Variants in ZSCAN31 observed in about 807,000 individuals in gnomAD.
ZSCAN31 encodes zinc finger and SCAN domain containing 31.
In ZSCAN31, 14 loss-of-function variants were observed where a neutral mutation model predicts 22.5. That is an observed-to-expected ratio of 0.62 (90% CI 0.41 to 0.97). The LOEUF (loss-of-function observed/expected upper bound fraction) is 0.97, where lower values mean the gene tolerates loss of function less well. ZSCAN31 is among the 50% of genes least tolerant of loss of function. ZSCAN31 has a pLI of 0.00. For synonymous variants in ZSCAN31, 168 were observed against 169.8 expected (o/e 0.99, Z 0.08); for missense variants, 424 against 483.4 (o/e 0.88, Z 1.15).
chr6:28,329,769 G>T lies in ZSCAN31; in HGVS notation c.-86C>A. The T allele has an allele frequency of 6.8e-7, 1 of 1,472,468 alleles. No homozygotes were observed. The highest frequency in any genetic ancestry group is 9.1e-7 in the Non-Finnish European group (1 of 1,098,912). 91.2% of individuals were successfully genotyped at this position (1,472,468 alleles called of 1,614,324 possible). A position where few individuals can be genotyped will look rare whatever the true frequency, so the allele number is the denominator to read the frequency against. On this transcript the variant is annotated 5_prime_UTR_variant, in exon 2 of 4. Transcript: ENST00000344279. ...AATTTTCTGATTTAATCTTCCTTAG[G>T]AGAAGACACCTGATGATAGAGCATT...
intron 2 of ZSCAN31, among the ~76,000 whole-genome samples, chr6:28,348,472 A>G (rs570979961): frequency 6.6e-6 from 1 of 152,300 alleles, no homozygotes; most frequent in Non-Finnish European, 1.5e-5. Flanking sequence ...TCCAAATATT[A>G]CAGTACTATT....
chr6:28,350,447 G>A (rs1305522793), intron 2 of ZSCAN31: 1 of 152,194 alleles, frequency 6.6e-6, no homozygotes, highest in Non-Finnish European at 1.5e-5. Flanking sequence ...GAACGTTGGA[G>A]TCAGATTACC....
chr6:28,346,342 C>CTTTTTTTTTT (rs5875155), intron 2 of ZSCAN31, among the ~76,000 whole-genome samples: 1,093 of 87,706 alleles, frequency 0.012, 84 homozygotes, highest in South Asian at 0.028. Context: ...TCAGTACAAT[C>CTTTTTTTTTT]TTTTTTTTTT....
rs780285727 is a variant in ZSCAN31 at position 28,326,673 on chromosome 6, G to C, written c.714C>G (p.Arg238=). The change falls in exon 4 of 4, where the codon CGC becomes CGG. Residue 238 remains arginine, a synonymous_variant. Coordinates refer to ENST00000344279, the MANE Select transcript of ZSCAN31 (RefSeq NM_030899.5). The stretch of plus-strand genomic sequence containing the variant: ...TTTTCCCACATTCATTGCACCTGTG[G>C]CGTCTCTCTCCAGTGGAATGTGCCT... ...KQQAHSTGER[R]HRCNECGKSF... is the part of the protein sequence containing the mutation. 10 of 1,614,114 alleles carry C rather than the reference G, an allele frequency of 6.2e-6. No homozygotes were observed. In the South Asian group the frequency reaches 9.9e-5, roughly 16 times the overall value.
At chr6:28,340,358 T>C (rs1764364665), upstream of ZSCAN31, among the ~76,000 whole-genome samples, 1 of 152,204 alleles carries the variant, frequency 6.6e-6, no homozygotes, top group Admixed American at 6.5e-5. Flanking sequence ...CCACATGTGG[T>C]GGGAAGGGCC....
upstream of ZSCAN31, chr6:28,336,481 C>G (rs1764171135): frequency 6.6e-6 from 1 of 152,164 alleles, no homozygotes; most frequent in Admixed American, 6.5e-5. Context: ...GCGAAGAGTT[C>G]CAGTTAGGAA....
rs1763202109 is a variant in ZSCAN31, at chr6:28,325,542, T to A, written c.*624A>T. ...GTTAGATATGAAATGAGACATAGAT[T>A]TCTAAACCATTAAAACTACAGGTTT... On this transcript the variant is annotated 3_prime_UTR_variant, in exon 4 of 4. Transcript: ENST00000344279. 3 of 151,052 alleles carry A rather than the reference T, an allele frequency of 2.0e-5. No homozygotes were observed. The highest frequency in any genetic ancestry group is 4.1e-4 in the South Asian group (2 of 4,832). The allele number at this position is 151,052 out of a possible 1,614,324, so 9.4% of individuals were successfully genotyped here. A position where few individuals can be genotyped will look rare whatever the true frequency, so the allele number is the denominator to read the frequency against.
chr6:28,325,165 G>T lies in ZSCAN31; in HGVS notation c.*1001C>A, dbSNP rs1038443508. On this transcript the variant is annotated 3_prime_UTR_variant, in exon 4 of 4. Transcript: ENST00000344279. ...GTGTCTAAGCATGCTGGTCTCCCCA[G>T]TAAGCAGCAAGCTGCCCAAGATATC... 1 of 152,194 alleles carries T rather than the reference G, an allele frequency of 6.6e-6. No individual in the cohort carries two copies. The highest frequency in any genetic ancestry group is 1.9e-4 in the East Asian group (1 of 5,198). The allele number at this position is 152,194 out of a possible 1,614,324, so 9.4% of individuals were successfully genotyped here. A position where few individuals can be genotyped will look rare whatever the true frequency, so the allele number is the denominator to read the frequency against.
intron 1 of ZSCAN31, among the ~76,000 whole-genome samples, chr6:28,335,676 C>T (rs915062396): frequency 6.6e-6 from 1 of 152,160 alleles, no homozygotes; most frequent in African/African-American, 2.4e-5. Flanking sequence ...CAAGCGTTCG[C>T]CAGGACAGCC....
At chr6:28,342,034 A>G (rs911800048) in intron 2 of ZSCAN31, among the ~76,000 whole-genome samples, 6 of 152,212 alleles carry the variant, frequency 3.9e-5, no homozygotes, top group Non-Finnish European at 7.3e-5. Flanking sequence ...ATGCATTGGA[A>G]GAAGGCAATG....
chr6:28,327,564 AG>A, intron 2 of ZSCAN31, 31 bp from the exon 3 acceptor site: 2 of 1,606,888 alleles, frequency 1.2e-6, no homozygotes, highest in Non-Finnish European at 8.5e-7. Flanking sequence ...TTGGTTAAAG[AG>A]GGGGATTATA....
chr6:28,354,800 A>G (rs1410491978), upstream of ZSCAN31, among the ~76,000 whole-genome samples: 2 of 152,242 alleles, frequency 1.3e-5, no homozygotes, highest in African/African-American at 4.8e-5. Flanking sequence ...TTTCTCTCAT[A>G]GATCTGGCCA....
At position 28,325,308 on chromosome 6, in the gene ZSCAN31, T is replaced by C. The variant is rs1763184315; in HGVS notation, c.*858A>G. On this transcript the variant is annotated 3_prime_UTR_variant, in exon 4 of 4. Transcript: ENST00000344279. ...CATAAAAGGCTATGAATTAAAGAGG[T>C]ACCTTGTGAAGAACAGAGATTTTAA... 1 of 152,216 alleles carries C rather than the reference T, an allele frequency of 6.6e-6. No individual in the cohort carries two copies. The highest frequency in any genetic ancestry group is 2.4e-5 in the African/African-American group (1 of 41,442). The allele number at this position is 152,216 out of a possible 1,614,324, so 9.4% of individuals were successfully genotyped here. A position where few individuals can be genotyped will look rare whatever the true frequency, so the allele number is the denominator to read the frequency against.
chr6:28,342,101 C>G (rs1235333062), intron 2 of ZSCAN31, among the ~76,000 whole-genome samples: 1 of 152,120 alleles, frequency 6.6e-6, no homozygotes, highest in East Asian at 1.9e-4. Flanking sequence ...ATCCCTGACA[C>G]CATATAAAGA....
intron 3 of ZSCAN31, 47 bp downstream of exon 3, chr6:28,327,336 T>G: frequency 6.2e-7 from 1 of 1,609,964 alleles, no homozygotes; most frequent in Non-Finnish European, 8.5e-7. Flanking sequence ...TATCGCCCTA[T>G]ATAGACCCAC....
chr6:28,345,082 T>C (rs1331637322), intron 2 of ZSCAN31, among the ~76,000 whole-genome samples: 2 of 139,118 alleles, frequency 1.4e-5, no homozygotes, highest in African/African-American at 5.4e-5. Context: ...GAGGCAGAGG[T>C]TGCAGTGAGC....
At chr6:28,330,543 T>A (rs1468918379) in intron 1 of ZSCAN31, among the ~76,000 whole-genome samples, 2 of 152,174 alleles carry the variant, frequency 1.3e-5, no homozygotes, top group African/African-American at 4.8e-5. Context: ...ATTGGAGCAT[T>A]TCATATTTCA....
In ZSCAN31 at chr6:28,349,854, A is replaced by C. The variant is rs1349812440; in HGVS notation, c.-371+4008T>G. 6.6e-6 allele frequency: 1 copy of C among 152,270 alleles called. No individual in the cohort carries two copies. Among genetic ancestry groups the C allele is most frequent in the Non-Finnish European group, 1.5e-5 (1 of 68,036 alleles). The allele number at this position is 152,270 out of a possible 1,614,324, so 9.4% of individuals were successfully genotyped here. A position where few individuals can be genotyped will look rare whatever the true frequency, so the allele number is the denominator to read the frequency against. The stretch of plus-strand genomic sequence containing the variant: ...CTTTAATAGCAAAAGGGGAGGGGAC[A>C]CAAGGTGCCGAGCTAGCAAACGACA... On this transcript the variant is annotated intron_variant, in intron 2 of 7. Coordinates refer to the ZSCAN31 transcript ENST00000396838. This position sits in a 1 kb window ranked among gnomAD's most constrained non-coding sequence, Gnocchi z 4.1.
At chr6:28,355,897 A>C (rs1765389264), upstream of ZSCAN31, 1 of 152,280 alleles carries the variant, frequency 6.6e-6, no homozygotes, top group South Asian at 2.1e-4. Flanking sequence ...TGGCCTATCA[A>C]ATCCATGATA....
Sources: gnomAD v4.1 joint callset for allele counts (sites outside exome capture counted in the v4.1 genomes callset) on GRCh38, gnomAD v4.1.1 for gene constraint, Gnocchi (gnomAD v3.1) non-coding constraint, MANE v1.5 for transcripts, NCBI Gene and HGNC (gene_info 2026-07-23, HGNC 2026-07-21) for gene names.